The following CATSPERG variants were observed in gnomAD, a reference collection of about 807,000 sequenced individuals.
The protein encoded by CATSPERG is catsper channel auxiliary subunit gamma.
In CATSPERG, 115 loss-of-function variants were observed where a neutral mutation model predicts 145.0. The observed-to-expected ratio is 0.79, with a 90% CI of 0.68 to 0.93. The LOEUF (loss-of-function observed/expected upper bound fraction) is 0.93, where lower values mean the gene tolerates loss of function less well. Among genes scored for constraint, CATSPERG ranks in the 40% least tolerant of loss-of-function variants. The pLI, the probability that CATSPERG is intolerant of heterozygous loss-of-function variation, is 0.00. For missense variants in CATSPERG, 1,296 were observed against 1,490.1 expected (o/e 0.87, Z 2.14); for synonymous variants, 588 against 589.0 (o/e 1.00, Z 0.02).
rs956900948 is a variant in CATSPERG at position 38,358,549 on chromosome 19, T to G, written c.1484T>G (p.Phe495Cys). The G allele has an allele frequency of 6.2e-7, 1 of 1,614,032 alleles. No individual in the cohort carries two copies. Among genetic ancestry groups the G allele is most frequent in the Non-Finnish European group, 8.5e-7 (1 of 1,180,016 alleles). ...YNNLIFIWGNFLLQSSNKENF... is the reference protein window; with the variant it reads ...YNNLIFIWGNCLLQSSNKENF... Reference sequence around the variant, plus strand: ...AATCTGATCTTCATCTGGGGCAACTTCCTCCTGCAGAGGTGGGCCTCTACC... The same window carrying G: ...AATCTGATCTTCATCTGGGGCAACTGCCTCCTGCAGAGGTGGGCCTCTACC... Residue 495 changes from phenylalanine to cysteine, a missense_variant, in exon 13 of 29, where the codon TTC (phenylalanine) becomes TGC (cysteine). Coordinates refer to ENST00000409235, the MANE Select transcript of CATSPERG (RefSeq NM_021185.5).
chr19:38,337,168 G>T, intron 1 of CATSPERG, 53 bp from the exon 2 acceptor site: 1 of 1,530,736 alleles, frequency 6.5e-7, no homozygotes, highest in Non-Finnish European at 8.8e-7. Flanking sequence ...AATCTTAAAA[G>T]TGGGCTCCAG....
intron 8 of CATSPERG, among the ~76,000 whole-genome samples, chr19:38,353,740 C>T (rs535851034): frequency 2.7e-5 from 4 of 146,694 alleles, no homozygotes; most frequent in South Asian, 2.2e-4. Flanking sequence ...CGGTGGCTCA[C>T]GCCTGTAATC....
intron 11 of CATSPERG, 95 bp downstream of exon 11, chr19:38,356,956 G>A (rs1970255131): frequency 9.4e-6 from 14 of 1,489,832 alleles, no homozygotes; most frequent in Non-Finnish European, 1.3e-5. Flanking sequence ...CCAGCAGACA[G>A]AGGGAGGGCA....
At chr19:38,352,674 A>G (rs1169635196) in intron 8 of CATSPERG, among the ~76,000 whole-genome samples, 3 of 142,760 alleles carry the variant, frequency 2.1e-5, no homozygotes, top group Non-Finnish European at 3.0e-5. Flanking sequence ...AGCTGTGAGA[A>G]GAGGGGGTGC....
intron 10 of CATSPERG, 60 bp downstream of exon 10, chr19:38,356,603 G>C: frequency 6.3e-7 from 1 of 1,599,358 alleles, no homozygotes. Context: ...ATGCAGAAGA[G>C]CAGGGGAGGG....
chr19:38,346,535 T>C lies in CATSPERG; in HGVS notation c.755T>C (p.Leu252Pro). The C allele has an allele frequency of 6.4e-7, 1 of 1,551,708 alleles. No homozygotes were observed. The highest frequency in any genetic ancestry group is 1.2e-5 in the South Asian group (1 of 84,066). ...GTGGACCAGTCACCTGTGCTTATCC[T>C]GGGAGGCATTCCCAATGAGAAGTAC... ...HTVDQSPVLILGGIPNEKYVL... is the reference protein window; with the variant it reads ...HTVDQSPVLIPGGIPNEKYVL... Residue 252 changes from leucine (L) to proline (P), a missense_variant, in exon 7 of 29, where the codon CTG becomes CCG. Coordinates refer to ENST00000409235, the MANE Select transcript of CATSPERG (RefSeq NM_021185.5).
chr19:38,368,065 G>T lies in CATSPERG; in HGVS notation c.2948G>T (p.Trp983Leu). ...CTGCACAGGACCAACAGCCTTATCTGGACCACGAGGACCACAAGGACCACC... is the reference window on the plus strand; with the variant it reads ...CTGCACAGGACCAACAGCCTTATCTTGACCACGAGGACCACAAGGACCACC... ...SPLDKTNSLI[W>L]TTRTTRTTKD... Residue 983 changes from tryptophan (W) to leucine (L), a missense_variant, in exon 26 of 29, where the codon TGG becomes TTG. Coordinates refer to ENST00000409235, the MANE Select transcript of CATSPERG (RefSeq NM_021185.5). 1 of 1,614,136 alleles carries T rather than the reference G, an allele frequency of 6.2e-7. No homozygotes were observed. Among genetic ancestry groups the T allele is most frequent in the South Asian group, 1.1e-5 (1 of 91,090 alleles).
rs373725029 is a variant in CATSPERG at position 38,349,955 on chromosome 19, G to A, written c.826-2306G>A. Among the ~76,000 whole-genome samples, 65 of 152,212 alleles carry A rather than the reference G, an allele frequency of 4.3e-4. 2 individuals are homozygous for A. In the East Asian group the frequency reaches 0.011, roughly 26 times the overall value. ...GTTGGGATTACAGGTGTGAGCCACCGCACCCGGCCGTTGCTCATTCTCGTA... is the reference window on the plus strand; with the variant it reads ...GTTGGGATTACAGGTGTGAGCCACCACACCCGGCCGTTGCTCATTCTCGTA... On this transcript the variant is annotated intron_variant, in intron 7 of 28. Transcript: ENST00000409235.
At chr19:38,358,012 A>G in intron 11 of CATSPERG, 1 of 450,974 alleles carries the variant, frequency 2.2e-6, no homozygotes, top group Non-Finnish European at 4.0e-6. Context: ...CAGCTACTCC[A>G]TAGGCTGAGG....
intron 16 of CATSPERG, 91 bp from the exon 17 acceptor site, chr19:38,361,557 G>C: frequency 9.7e-7 from 1 of 1,025,648 alleles, no homozygotes; most frequent in Non-Finnish European, 1.4e-6. Flanking sequence ...TTCGATACGG[G>C]AAGTGGGTGG....
chr19:38,362,425 C>G lies in CATSPERG; in HGVS notation c.2207C>G (p.Ser736Cys), dbSNP rs1970365993. The G allele has an allele frequency of 1.9e-6, 3 of 1,613,976 alleles. No homozygotes were observed. The East Asian group carries it at 6.7e-5, about 36-fold the overall frequency. ...ASNWRSAGGV[S>C]IEMDSYEKIY... is the part of the protein sequence containing the mutation. ...AATTGGCGAAGCGCGGGCGGCGTGT[C>G]CATAGAAATGGACAGCTACGAAAAG... Residue 736 changes from serine (S) to cysteine (C), a missense_variant, in exon 19 of 29, where the codon TCC becomes TGC. Physicochemically the swap from Ser to Cys is moderately radical, Grantham distance 112. Coordinates refer to ENST00000409235, the MANE Select transcript of CATSPERG (RefSeq NM_021185.5).
At chr19:38,363,887 A>G (rs1021897632) in intron 20 of CATSPERG, among the ~76,000 whole-genome samples, 3 of 152,202 alleles carry the variant, frequency 2.0e-5, no homozygotes, top group African/African-American at 7.2e-5. Flanking sequence ...CACGGCAACC[A>G]TCCGATTTCT....
chr19:38,357,338 C>T (rs1824878017), intron 11 of CATSPERG, among the ~76,000 whole-genome samples: 1 of 131,010 alleles, frequency 7.6e-6, no homozygotes, highest in Admixed American at 8.5e-5. Flanking sequence ...TGGCAAGAGG[C>T]TGTCTCTACA....
intron 22 of CATSPERG, 89 bp downstream of exon 22, chr19:38,365,206 C>G (rs541253451): frequency 8.9e-7 from 1 of 1,121,746 alleles, no homozygotes; most frequent in African/African-American, 1.5e-5. Context: ...CCCACTAATG[C>G]ATTCATAATT....
At chr19:38,344,180 C>T in intron 5 of CATSPERG, 61 bp downstream of exon 5, 2 of 1,547,668 alleles carry the variant, frequency 1.3e-6, no homozygotes, top group South Asian at 1.2e-5. Flanking sequence ...CCCCAGGGTC[C>T]CCAGAGGAGC....
At chr19:38,338,311 G>A (rs1288101181) in intron 3 of CATSPERG, among the ~76,000 whole-genome samples, 1 of 151,932 alleles carries the variant, frequency 6.6e-6, no homozygotes, top group Non-Finnish European at 1.5e-5. Flanking sequence ...ACCACGCCCG[G>A]CTAATTTTTT....
intron 16 of CATSPERG, 40 bp from the exon 17 acceptor site, chr19:38,361,608 G>T: frequency 6.5e-7 from 1 of 1,534,520 alleles, no homozygotes; most frequent in South Asian, 1.1e-5. Context: ...TGCGCGGGGT[G>T]CCTTAGAGCC....
intron 13 of CATSPERG, among the ~76,000 whole-genome samples, chr19:38,358,780 T>C (rs1018705652): frequency 6.6e-6 from 1 of 152,180 alleles, no homozygotes; most frequent in African/African-American, 2.4e-5. Flanking sequence ...AGCCCTTTTC[T>C]TAAAATGAAA....
intron 25 of CATSPERG, 72 bp downstream of exon 25, chr19:38,367,848 C>A: frequency 7.0e-7 from 1 of 1,428,452 alleles, no homozygotes; most frequent in Non-Finnish European, 9.8e-7. Flanking sequence ...CCAAGCCAAG[C>A]CCACCTCGCA....
Sources: allele counts gnomAD v4.1 joint callset (sites outside exome capture counted in the v4.1 genomes callset), GRCh38; gene constraint gnomAD v4.1.1; transcripts MANE v1.5; gene names NCBI Gene and HGNC (gene_info 2026-07-23, HGNC 2026-07-21).